Variants in SCEL observed in about 807,000 individuals in gnomAD.
SCEL encodes the protein sciellin.
In SCEL, 113 loss-of-function variants were observed where a neutral mutation model predicts 117.6. The observed-to-expected ratio is 0.96, with a 90% CI of 0.83 to 1.12. SCEL has a LOEUF of 1.12. Ranked by LOEUF, SCEL falls within the 50% of genes most tolerant of loss-of-function variation. The probability of loss-of-function intolerance (pLI) is 0.00; values close to 1 mark genes in which losing one functional copy is unlikely to be tolerated. For synonymous variants in SCEL, 270 were observed against 256.2 expected (o/e 1.05, Z -0.51); for missense variants, 785 against 810.8 (o/e 0.97, Z 0.39).
chr13:77,543,111 T>C (rs1322489695), intron 1 of SCEL, among the ~76,000 whole-genome samples: 1 of 139,716 alleles, frequency 7.2e-6, no homozygotes, highest in Non-Finnish European at 1.5e-5. Flanking sequence ...TGAGACGGAG[T>C]CTCGCTCTGT....
rs761115530 is a variant in SCEL, at chr13:77,634,385, C to T, written c.1698C>T (p.Asn566=). ...AAAATGATTTGTTTTGCAGCTCTAA[C>T]ACTGGAGCCAAGCAGGCAGGACCAC... The part of the protein sequence containing the change: ...HVSENKNGSS[N]TGAKQAGPQD... Residue 566 remains asparagine (N), a synonymous_variant, in exon 29 of 33, where the codon AAC becomes AAT. Coordinates refer to ENST00000349847, the MANE Select transcript of SCEL (RefSeq NM_144777.3). 1.2e-6 allele frequency: 2 copies of T among 1,612,770 alleles called. No homozygotes were observed. The highest frequency in any genetic ancestry group is 2.7e-5 in the African/African-American group (2 of 74,858).
Position 77,593,411 on chromosome 13 carries a change from CCTAGA to C in SCEL, c.693-99_693-95del, listed in dbSNP as rs1257902911. The C allele has an allele frequency of 1.0e-4, 83 of 799,930 alleles. No homozygotes were observed. In the East Asian group the frequency reaches 1.8e-3, roughly 17 times the overall value. 49.6% of individuals were successfully genotyped at this position (799,930 alleles called of 1,614,324 possible). A position where few individuals can be genotyped will look rare whatever the true frequency, so the allele number is the denominator to read the frequency against. Reference sequence around the variant, plus strand: ...TAAACTCAGTAATTCCTGAACACCACCTAGACTATTTACTTTATTTACTGAAAACA... The same window carrying C: ...TAAACTCAGTAATTCCTGAACACCACCTATTTACTTTATTTACTGAAAACA... On this transcript the variant is annotated intron_variant, in intron 11 of 32. Coordinates refer to ENST00000349847, the MANE Select transcript of SCEL (RefSeq NM_144777.3).
At chr13:77,596,688 G>GGTGTGT (rs71102762) in intron 12 of SCEL, among the ~76,000 whole-genome samples, 1,509 of 145,436 alleles carry the variant, frequency 0.01, 9 homozygotes, top group South Asian at 0.016. Flanking sequence ...GGTGGGGCAA[G>GGTGTGT]GTGTGTGTGT....
intron 14 of SCEL, 44 bp downstream of exon 14, chr13:77,599,432 T>G (rs1179735166): frequency 2.6e-6 from 4 of 1,509,762 alleles, no homozygotes; most frequent in Non-Finnish European, 3.7e-6. Context: ...CCTTGCAGAT[T>G]GCTCGTCTTA....
At chr13:77,552,821 G>A (rs1298005923) in intron 1 of SCEL, among the ~76,000 whole-genome samples, 1 of 152,176 alleles carries the variant, frequency 6.6e-6, no homozygotes, top group Non-Finnish European at 1.5e-5. Context: ...GGTTTTTATG[G>A]TTTTGGGTGT....
intron 22 of SCEL, 45 bp downstream of exon 22, chr13:77,610,151 T>C (rs2154402882): frequency 7.2e-7 from 1 of 1,379,984 alleles, no homozygotes; most frequent in Non-Finnish European, 1.0e-6. Flanking sequence ...TTTTTTTTCC[T>C]AATGAGCTTA....
At chr13:77,543,082 CTTTTTTT>C (rs71203061) in intron 1 of SCEL, among the ~76,000 whole-genome samples, 1 of 122,474 alleles carries the variant, frequency 8.2e-6, no homozygotes, top group African/African-American at 3.2e-5. Flanking sequence ...TCTACTTTAG[CTTTTTTT>C]TTTTTTTTTT....
At chr13:77,605,729 G>A (rs372247142) in intron 19 of SCEL, among the ~76,000 whole-genome samples, 5 of 152,142 alleles carry the variant, frequency 3.3e-5, no homozygotes, top group Admixed American at 6.6e-5. Context: ...TTTCCAGGCC[G>A]AGCACAGTGG....
At chr13:77,544,475 G>C (rs1262267190) in intron 1 of SCEL, among the ~76,000 whole-genome samples, 1 of 152,196 alleles carries the variant, frequency 6.6e-6, no homozygotes, top group Admixed American at 6.5e-5. Context: ...AAAAGATGAT[G>C]AAGATTCTAG....
At chr13:77,541,461 A>G (rs1364812423) in intron 1 of SCEL, among the ~76,000 whole-genome samples, 1 of 152,200 alleles carries the variant, frequency 6.6e-6, no homozygotes, top group Non-Finnish European at 1.5e-5. Flanking sequence ...ACATCTTGGC[A>G]AGTAATTTCA....
chr13:77,561,843 A>T (rs1178223877), intron 4 of SCEL, among the ~76,000 whole-genome samples: 1 of 152,090 alleles, frequency 6.6e-6, no homozygotes, highest in African/African-American at 2.4e-5. Context: ...ATGAGGAAAA[A>T]TTTCCCAAAT....
chr13:77,617,267 T>C lies in SCEL; in HGVS notation c.1452-332T>C, dbSNP rs559702081. Among the ~76,000 whole-genome samples the C allele has an allele frequency of 8.5e-5, 13 of 152,210 alleles. No individual in the cohort carries two copies. In the East Asian group the frequency reaches 2.1e-3, roughly 25 times the overall value. On this transcript the variant is annotated intron_variant, in intron 24 of 32. Coordinates refer to ENST00000349847, the MANE Select transcript of SCEL (RefSeq NM_144777.3). ...ATGTCCTTAGTTGGTGAACCTGATT[T>C]TAAAAATAAGGATATTAAAATCAGC...
chr13:77,582,417 G>A (rs1048432550), intron 9 of SCEL, among the ~76,000 whole-genome samples: 14 of 152,092 alleles, frequency 9.2e-5, no homozygotes, highest in Non-Finnish European at 1.6e-4. Context: ...TAGTAGAGAC[G>A]GGGTTTCACC....
chr13:77,539,345 A>G (rs1379383603), intron 1 of SCEL, among the ~76,000 whole-genome samples: 1 of 151,628 alleles, frequency 6.6e-6, no homozygotes, highest in Non-Finnish European at 1.5e-5. Flanking sequence ...CAATAGCACA[A>G]AAATATAAAA....
chr13:77,567,257 C>T (rs1483293755), intron 5 of SCEL, among the ~76,000 whole-genome samples: 1 of 152,048 alleles, frequency 6.6e-6, no homozygotes, highest in Non-Finnish European at 1.5e-5. Context: ...AGTTCGAGAC[C>T]AGTGTGGCCA....
chr13:77,630,211 C>T (rs977548987), intron 28 of SCEL, among the ~76,000 whole-genome samples: 3 of 152,008 alleles, frequency 2.0e-5, no homozygotes, highest in African/African-American at 7.2e-5. Context: ...GCTTCTGAGG[C>T]TTTCATTTTG....
At chr13:77,621,972 T>C (rs2089448299) in intron 27 of SCEL, among the ~76,000 whole-genome samples, 1 of 152,192 alleles carries the variant, frequency 6.6e-6, no homozygotes, top group African/African-American at 2.4e-5. Context: ...TAATACTAAA[T>C]CTTTAAGACT....
At chr13:77,571,122 G>A (rs1022640926) in intron 8 of SCEL, among the ~76,000 whole-genome samples, 5 of 150,996 alleles carry the variant, frequency 3.3e-5, no homozygotes, top group Non-Finnish European at 7.4e-5. Context: ...GAGGCCCTGC[G>A]CCTAGCTCGC....
intron 9 of SCEL, among the ~76,000 whole-genome samples, chr13:77,580,009 A>C (rs1374012720): frequency 6.6e-6 from 1 of 152,228 alleles, no homozygotes; most frequent in Non-Finnish European, 1.5e-5. Context: ...GAAATCCAGT[A>C]ATTCCAAATC....
Sources: gnomAD v4.1 joint callset for allele counts (sites outside exome capture counted in the v4.1 genomes callset) on GRCh38, gnomAD v4.1.1 for gene constraint, MANE v1.5 for transcripts, NCBI Gene and HGNC (gene_info 2026-07-23, HGNC 2026-07-21) for gene names.